Variants in KANSL2 observed in about 807,000 individuals in gnomAD.
KANSL2 encodes the protein NSL complex protein NSL2.
KANSL2 carries 34 observed loss-of-function variants against 55.6 expected under a neutral mutation model. The ratio of observed to expected loss-of-function variants is 0.61; its 90% CI spans 0.46 to 0.81. The LOEUF (loss-of-function observed/expected upper bound fraction) is 0.81, where lower values mean the gene tolerates loss of function less well. KANSL2 is among the 40% of genes least tolerant of loss of function. KANSL2 has a pLI of 0.00. For synonymous variants in KANSL2, 209 were observed against 214.3 expected (o/e 0.98, Z 0.22); for missense variants, 502 against 609.9 (o/e 0.82, Z 1.86).
In KANSL2 at chr12:48,664,577, C is replaced by T. The variant is rs866692660; in HGVS notation, c.973+3116G>A. 2.9e-3 allele frequency among the ~76,000 whole-genome samples: 180 copies of T among 62,024 alleles called. 1 individual carries two copies. Among genetic ancestry groups the T allele is most frequent in the Non-Finnish European group, 2.4e-3 (79 of 33,284 alleles). The allele number at this position is 62,024 out of a possible 152,430, so 40.7% of individuals were successfully genotyped here. On this transcript the variant is annotated intron_variant, in intron 7 of 9. Coordinates refer to ENST00000420613, the MANE Select transcript of KANSL2 (RefSeq NM_017822.4). ...ACAGGCGTGAGCCACCGCACCTGGCCTTTTTTTTTTTTTTTTTTTTTTGAG... is the reference window on the plus strand; with the variant it reads ...ACAGGCGTGAGCCACCGCACCTGGCTTTTTTTTTTTTTTTTTTTTTTTGAG...
At chr12:48,674,905 G>A (rs35554327) in intron 4 of KANSL2, among the ~76,000 whole-genome samples, 1,583 of 149,188 alleles carry the variant, frequency 0.011, 45 homozygotes, top group Admixed American at 0.059. Context: ...CAGCCTGGGC[G>A]ACAGAACGAG....
At chr12:48,659,130 C>T (rs1473796679) in intron 8 of KANSL2, among the ~76,000 whole-genome samples, 1 of 151,796 alleles carries the variant, frequency 6.6e-6, no homozygotes, top group Admixed American at 6.6e-5. Flanking sequence ...CCTGTCTCTA[C>T]AAAAAATACA....
intron 5 of KANSL2, among the ~76,000 whole-genome samples, chr12:48,669,731 G>A (rs879506906): frequency 6.6e-5 from 10 of 151,554 alleles, no homozygotes; most frequent in Non-Finnish European, 8.8e-5. Context: ...TTGTGGTCTC[G>A]ATCTCCTGAC....
At chr12:48,672,433 A>ATATAT (rs371918890) in intron 4 of KANSL2, among the ~76,000 whole-genome samples, 27 of 120,370 alleles carry the variant, frequency 2.2e-4, no homozygotes, top group Middle Eastern at 4.5e-3. Context: ...ATATATATAT[A>ATATAT]TTTTTTTTTT....
In KANSL2 at chr12:48,653,739, T is replaced by TA. The variant is rs1457486347; in HGVS notation, c.*304dup. The TA allele has an allele frequency of 4.1e-6, 1 of 244,232 alleles. No homozygotes were observed. The highest frequency in any genetic ancestry group is 2.2e-5 in the African/African-American group (1 of 44,638). 15.1% of individuals were successfully genotyped at this position (244,232 alleles called of 1,614,324 possible). On this transcript the variant is annotated 3_prime_UTR_variant, in exon 10 of 10. Coordinates refer to ENST00000420613, the MANE Select transcript of KANSL2 (RefSeq NM_017822.4). The stretch of plus-strand genomic sequence containing the variant: ...CAAAGACAGCTCCCACCTAGCTACT[T>TA]AAGTGGATTTCTATCCATGACTTGG...
At chr12:48,671,754 CAT>C (rs1220246480) in intron 5 of KANSL2, 43 bp downstream of exon 5, 5 of 1,558,602 alleles carry the variant, frequency 3.2e-6, no homozygotes, top group Non-Finnish European at 4.4e-6. Flanking sequence ...ACCAAATTCA[CAT>C]GTTAAACCCA....
At chr12:48,677,867 TC>T (rs1243027722) in intron 4 of KANSL2, among the ~76,000 whole-genome samples, 1 of 149,796 alleles carries the variant, frequency 6.7e-6, no homozygotes, top group Admixed American at 6.7e-5. Context: ...AAGAGAACAG[TC>T]ATTCCCTTTC....
At chr12:48,678,506 T>C (rs1939864979) in intron 4 of KANSL2, among the ~76,000 whole-genome samples, 1 of 152,204 alleles carries the variant, frequency 6.6e-6, no homozygotes, top group South Asian at 2.1e-4. Context: ...AGCTGATGAA[T>C]ATGCTAATTA....
At chr12:48,669,030 C>T (rs1413313258) in intron 6 of KANSL2, 76 bp downstream of exon 6, 6 of 1,234,422 alleles carry the variant, frequency 4.9e-6, no homozygotes, top group East Asian at 2.9e-5. Context: ...AGTGACAGTG[C>T]GAGACTCCGT....
chr12:48,681,310 T>C (rs756268106), intron 2 of KANSL2, 72 bp downstream of exon 2: 2 of 1,505,710 alleles, frequency 1.3e-6, no homozygotes, highest in East Asian at 2.3e-5. Flanking sequence ...GCGGCAGCTA[T>C]GCTGAAGCCC....
At chr12:48,660,319 G>C (rs1202797543) in intron 8 of KANSL2, 47 bp downstream of exon 8, 1 of 1,600,846 alleles carries the variant, frequency 6.2e-7, no homozygotes, top group Non-Finnish European at 8.5e-7. Context: ...TAATAAATAA[G>C]GCTTTGTCTC....
chr12:48,661,396 C>T (rs7314665), intron 7 of KANSL2, among the ~76,000 whole-genome samples: 89,042 of 151,928 alleles, frequency 0.59, 26,421 homozygotes, highest in East Asian at 0.76. Flanking sequence ...GTAGGATGAA[C>T]CAAAATTGAG....
intron 5 of KANSL2, among the ~76,000 whole-genome samples, chr12:48,669,684 A>G (rs1939672207): frequency 6.7e-6 from 1 of 148,426 alleles, no homozygotes; most frequent in Admixed American, 6.7e-5. Flanking sequence ...CGCCCGGCTA[A>G]TTTTTTTTTT....
At chr12:48,677,186 G>A (rs1291977748) in intron 4 of KANSL2, among the ~76,000 whole-genome samples, 1 of 152,072 alleles carries the variant, frequency 6.6e-6, no homozygotes, top group East Asian at 1.9e-4. Context: ...CATATTTGGG[G>A]CTTTATTTTC....
At chr12:48,662,894 AAAAAT>A (rs1451580981) in intron 7 of KANSL2, among the ~76,000 whole-genome samples, 1 of 152,168 alleles carries the variant, frequency 6.6e-6, no homozygotes, top group African/African-American at 2.4e-5. Context: ...TAAAAAAACA[AAAAAT>A]AAAAGAACAG....
chr12:48,679,134 A>G lies in KANSL2; in HGVS notation c.447T>C (p.Ser149=). Residue 149 remains serine, a synonymous_variant, in exon 4 of 10, where the codon AGT becomes AGC. Coordinates refer to ENST00000420613, the MANE Select transcript of KANSL2 (RefSeq NM_017822.4). The part of the protein sequence containing the change: ...ASRILDEDSW[S]DGEQEPITVD... ...CAGTAATGGGTTCCTGCTCCCCATC[A>G]CTCCAGCTGTCTTCATCTGAGGCAA... 1 of 1,612,820 alleles carries G rather than the reference A, an allele frequency of 6.2e-7. No homozygotes were observed.
chr12:48,672,400 TATATATACGTATATATATATATATATATA>T (rs1411248665), intron 4 of KANSL2, among the ~76,000 whole-genome samples: 74 of 131,858 alleles, frequency 5.6e-4, no homozygotes, highest in Non-Finnish European at 9.3e-4. Flanking sequence ...CATGTATATA[TATATATACGTATATATATATATATATATA>T]TATATTTTTT....
chr12:48,660,242 T>C, intron 8 of KANSL2, 124 bp downstream of exon 8: 1 of 867,080 alleles, frequency 1.2e-6, no homozygotes, highest in Non-Finnish European at 1.7e-6. Flanking sequence ...AATACAACTA[T>C]ACGTATATAT....
rs1038393654 is a variant in KANSL2, at chr12:48,653,855, C to T, written c.*189G>A. 1 of 490,880 alleles carries T rather than the reference C, an allele frequency of 2.0e-6. No individual in the cohort carries two copies. The allele number at this position is 490,880 out of a possible 1,614,324, so 30.4% of individuals were successfully genotyped here. A position where few individuals can be genotyped will look rare whatever the true frequency, so the allele number is the denominator to read the frequency against. On this transcript the variant is annotated 3_prime_UTR_variant, in exon 10 of 10. Coordinates refer to ENST00000420613, the MANE Select transcript of KANSL2 (RefSeq NM_017822.4). ...ATAGGGATTATCTCTCTTTCTCTTCCTTGCCCTGAGTGGGAAGAAACCCAC... is the reference window on the plus strand; with the variant it reads ...ATAGGGATTATCTCTCTTTCTCTTCTTTGCCCTGAGTGGGAAGAAACCCAC...
Sources: gnomAD v4.1 joint callset for allele counts (sites outside exome capture counted in the v4.1 genomes callset) on GRCh38, gnomAD v4.1.1 for gene constraint, MANE v1.5 for transcripts, NCBI Gene and HGNC (gene_info 2026-07-23, HGNC 2026-07-21) for gene names.